COL19A1: variants seen among roughly 807,000 people sequenced by gnomAD.
The protein encoded by COL19A1 is collagen type XIX alpha 1 chain.
COL19A1 carries 159 observed loss-of-function variants against 190.2 expected under a neutral mutation model. That is an observed-to-expected ratio of 0.84 (90% confidence interval 0.73 to 0.95). The LOEUF is 0.95. Among genes scored for constraint, COL19A1 ranks in the 40% least tolerant of loss-of-function variants. COL19A1 has a pLI of 0.00. For missense variants in COL19A1, 1,418 were observed against 1,431.9 expected, an observed-to-expected ratio of 0.99 and a Z score of 0.16; for synonymous variants, 509 against 458.9, an observed-to-expected ratio of 1.11 and a Z score of -1.39.
intron 40 of COL19A1, among the ~76,000 whole-genome samples, chr6:70,169,712 T>C (rs919870258): frequency 2.0e-5 from 3 of 152,162 alleles, no homozygotes; most frequent in Non-Finnish European, 4.4e-5. Context: ...TCATTCACCC[T>C]GTCTACCCTA....
chr6:69,927,208 A>G (rs1562005535), intron 4 of COL19A1, among the ~76,000 whole-genome samples: 1 of 152,170 alleles, frequency 6.6e-6, no homozygotes. Context: ...GATAAATATA[A>G]AAGCCAGAAT....
At position 70,165,910 on chromosome 6, in the gene COL19A1, C is replaced by T. The variant is rs762578235; in HGVS notation, c.2401-31C>T. Reference sequence around the variant, plus strand: ...TGTAAACCTGGGGTAGAAACGTCTACGCCGCTGATATGTCTATATATCCCT... The same window carrying T: ...TGTAAACCTGGGGTAGAAACGTCTATGCCGCTGATATGTCTATATATCCCT... On this transcript the variant is annotated intron_variant, in intron 36 of 50. Transcript: ENST00000620364. 4 of 1,608,998 alleles carry T rather than the reference C, an allele frequency of 2.5e-6. No individual in the cohort carries two copies. The East Asian group carries it at 8.9e-5, about 36-fold the overall frequency.
chr6:69,996,944 ATATG>A (rs1776941738), intron 11 of COL19A1, among the ~76,000 whole-genome samples: 1 of 147,800 alleles, frequency 6.8e-6, no homozygotes, highest in Non-Finnish European at 1.5e-5. Context: ...GTGTGTATAT[ATATG>A]TATGTACATA....
chr6:69,908,501 CT>C (rs1340611058), intron 4 of COL19A1, among the ~76,000 whole-genome samples: 1 of 152,074 alleles, frequency 6.6e-6, no homozygotes, highest in East Asian at 1.9e-4. Context: ...TTAAGTCATA[CT>C]TTTTTTAAAT....
At chr6:70,113,026 C>T (rs1784370480) in intron 16 of COL19A1, among the ~76,000 whole-genome samples, 1 of 152,198 alleles carries the variant, frequency 6.6e-6, no homozygotes, top group Admixed American at 6.5e-5. Flanking sequence ...CAATCCTTCA[C>T]CTGTTAATCG....
chr6:69,958,953 T>TA (rs1288687789), intron 9 of COL19A1, among the ~76,000 whole-genome samples: 1 of 152,250 alleles, frequency 6.6e-6, no homozygotes, highest in Non-Finnish European at 1.5e-5. Context: ...TAAAAACTGT[T>TA]ATCTTATAAA....
intron 45 of COL19A1, 37 bp from the exon 46 acceptor site, chr6:70,184,834 G>A (rs779924713): frequency 6.2e-7 from 1 of 1,611,186 alleles, no homozygotes; most frequent in South Asian, 1.1e-5. Flanking sequence ...AAAAATCTTG[G>A]CAAGGAGTGA....
chr6:69,919,691 T>A (rs1023254233), intron 4 of COL19A1, among the ~76,000 whole-genome samples: 95 of 152,300 alleles, frequency 6.2e-4, no homozygotes, highest in African/African-American at 2.0e-3. Context: ...TAATAAAATG[T>A]TATTTTTTAT....
At chr6:70,042,775 A>T (rs972616116) in intron 14 of COL19A1, among the ~76,000 whole-genome samples, 1 of 152,214 alleles carries the variant, frequency 6.6e-6, no homozygotes, top group Admixed American at 6.5e-5. Context: ...TAATATTTCA[A>T]ATCTTCCTTG....
chr6:69,894,431 C>G (rs766903615), intron 2 of COL19A1, among the ~76,000 whole-genome samples: 34 of 152,200 alleles, frequency 2.2e-4, no homozygotes. Flanking sequence ...TGCATCTGAT[C>G]TGCAGTTTAC....
rs1767972245 is a variant in COL19A1 at position 70,207,576 on chromosome 6, G to A, written c.*302G>A. On this transcript the variant is annotated 3_prime_UTR_variant, in exon 51 of 51. Transcript: ENST00000620364. The stretch of plus-strand genomic sequence containing the variant: ...GTTAGTTCTTCTTCAAAAGGAAATT[G>A]CATCTTGTGACTTAGTAGACTGATG... The A allele has an allele frequency of 5.6e-6, 1 of 177,864 alleles. No individual in the cohort carries two copies. The highest frequency in any genetic ancestry group is 1.2e-5 in the Non-Finnish European group (1 of 85,070). 11.0% of individuals were successfully genotyped at this position (177,864 alleles called of 1,614,324 possible).
chr6:70,031,901 C>T (rs576237779), intron 12 of COL19A1, among the ~76,000 whole-genome samples: 105 of 152,164 alleles, frequency 6.9e-4, no homozygotes, highest in African/African-American at 2.3e-3. Context: ...TCCTTGAGGA[C>T]GGGAACCTTC....
At chr6:69,965,403 G>A (rs1478897750) in intron 11 of COL19A1, among the ~76,000 whole-genome samples, 1 of 152,120 alleles carries the variant, frequency 6.6e-6, no homozygotes, top group African/African-American at 2.4e-5. Flanking sequence ...AAACCAACTG[G>A]AGTAATCTGC....
At chr6:69,957,062 C>A (rs1774465494) in intron 9 of COL19A1, among the ~76,000 whole-genome samples, 1 of 151,934 alleles carries the variant, frequency 6.6e-6, no homozygotes, top group Admixed American at 6.6e-5. Flanking sequence ...TGCTTGGTCT[C>A]ATTTATACTG....
At chr6:69,916,429 T>C (rs1258777708) in intron 4 of COL19A1, among the ~76,000 whole-genome samples, 1 of 152,262 alleles carries the variant, frequency 6.6e-6, no homozygotes, top group Non-Finnish European at 1.5e-5. Context: ...AAAATATTCC[T>C]GATTTTTTTT....
At chr6:70,159,281 G>A (rs1381251174) in intron 34 of COL19A1, among the ~76,000 whole-genome samples, 1 of 151,960 alleles carries the variant, frequency 6.6e-6, no homozygotes, top group Non-Finnish European at 1.5e-5. Flanking sequence ...ATTTAGAGGT[G>A]CCATTATCAA....
chr6:69,868,152 C>G (rs1017475943), intron 1 of COL19A1, among the ~76,000 whole-genome samples: 6 of 151,634 alleles, frequency 4.0e-5, no homozygotes, highest in African/African-American at 1.5e-4. Flanking sequence ...CAATGCCTCC[C>G]CCTCTGCCCG....
At chr6:70,180,137 C>T (rs1201489782) in intron 42 of COL19A1, among the ~76,000 whole-genome samples, 175 bp from the exon 43 acceptor site, 2 of 152,178 alleles carry the variant, frequency 1.3e-5, no homozygotes, top group Non-Finnish European at 2.9e-5. Flanking sequence ...CCATCCACCT[C>T]AGCGTCCCAA....
chr6:70,064,637 A>C (rs1345068684), intron 14 of COL19A1, among the ~76,000 whole-genome samples: 1 of 152,130 alleles, frequency 6.6e-6, no homozygotes, highest in Non-Finnish European at 1.5e-5. Flanking sequence ...AAGGAAATAA[A>C]GGGTATTCAA....
Sources: allele counts gnomAD v4.1 joint callset (sites outside exome capture counted in the v4.1 genomes callset), GRCh38; gene constraint gnomAD v4.1.1; transcripts MANE v1.5; gene names NCBI Gene and HGNC (gene_info 2026-07-23, HGNC 2026-07-21).